ZFHX3: variants seen among roughly 807,000 people sequenced by gnomAD.
ZFHX3 encodes zinc finger homeobox protein 3.
A neutral mutation model predicts 279.1 loss-of-function variants in ZFHX3; 42 were observed. That is an observed-to-expected ratio of 0.15 (90% confidence interval 0.12 to 0.19). The LOEUF is 0.19. ZFHX3 is among the 10% of genes least tolerant of loss of function. The pLI is 1.00. For synonymous variants in ZFHX3, 2,293 were observed against 1,957.8 expected, an observed-to-expected ratio of 1.17 and a Z score of -4.52; for missense variants, 4,981 against 4,754.0, an observed-to-expected ratio of 1.05 and a Z score of -1.40.
chr16:73,780,111 A>ATTTTTTTTTTTTT lies in ZFHX3; in HGVS notation c.-1607-99884_-1607-99872dup, dbSNP rs762134796. Among the ~76,000 whole-genome samples the ATTTTTTTTTTTTT allele has an allele frequency of 3.3e-4, 11 of 33,212 alleles. 4 individuals carry two copies. Among genetic ancestry groups the ATTTTTTTTTTTTT allele is most frequent in the Non-Finnish European group, 4.4e-4 (6 of 13,572 alleles). The allele number at this position is 33,212 out of a possible 152,430, so 21.8% of individuals were successfully genotyped here. A position where few individuals can be genotyped will look rare whatever the true frequency, so the allele number is the denominator to read the frequency against. On this transcript the variant is annotated intron_variant, in intron 1 of 17. Transcript: ENST00000641206. Reference sequence around the variant, plus strand: ...AACCAGCAAAACTCACTGCATTTGAATTTTTTTTTTTTTTTTTTTTTTTTT... The same window carrying ATTTTTTTTTTTTT: ...AACCAGCAAAACTCACTGCATTTGAATTTTTTTTTTTTTTTTTTTTTTTTTTTTTTTTTTTTTT...
chr16:73,008,267 T>C (rs530784083), intron 1 of ZFHX3, among the ~76,000 whole-genome samples: 3 of 152,010 alleles, frequency 2.0e-5, no homozygotes, highest in Non-Finnish European at 4.4e-5. Flanking sequence ...ATATACAGAG[T>C]TCTCAATATT....
At chr16:73,480,487 G>A (rs947733012) in intron 2 of ZFHX3, among the ~76,000 whole-genome samples, 6 of 152,138 alleles carry the variant, frequency 3.9e-5, no homozygotes, top group Admixed American at 1.3e-4. Flanking sequence ...GGCAAAGGAC[G>A]AAAAGTTCCT....
intron 1 of ZFHX3, among the ~76,000 whole-genome samples, chr16:72,991,236 C>T (rs1963078612): frequency 6.6e-6 from 1 of 152,196 alleles, no homozygotes; most frequent in Non-Finnish European, 1.5e-5. Context: ...TTAGTTATCA[C>T]TGTTAATCTC....
chr16:73,085,488 C>T (rs1370589787), intron 8 of ZFHX3, among the ~76,000 whole-genome samples: 3 of 152,048 alleles, frequency 2.0e-5, no homozygotes, highest in Admixed American at 6.6e-5. Flanking sequence ...TCTAGTGATC[C>T]GCCTGCCTCG....
intron 3 of ZFHX3, among the ~76,000 whole-genome samples, chr16:73,453,271 G>C (rs1415132843): frequency 6.6e-6 from 1 of 152,212 alleles, no homozygotes; most frequent in African/African-American, 2.4e-5. Context: ...CCCATTGAGA[G>C]GTAGAGTCTA....
chr16:73,654,841 A>G (rs2052707009), intron 2 of ZFHX3, among the ~76,000 whole-genome samples: 1 of 148,378 alleles, frequency 6.7e-6, no homozygotes, highest in Non-Finnish European at 1.5e-5. Context: ...TCTCTTCTAA[A>G]CGATAGTAAT....
chr16:73,555,898 G>A (rs112984342), intron 2 of ZFHX3, among the ~76,000 whole-genome samples: 3,829 of 152,198 alleles, frequency 0.025, 172 homozygotes, highest in African/African-American at 0.088. Flanking sequence ...TCATATGGGA[G>A]GGGGCCCAAA....
intron 1 of ZFHX3, among the ~76,000 whole-genome samples, chr16:73,005,004 A>G (rs1368053954): frequency 6.6e-6 from 1 of 152,226 alleles, no homozygotes; most frequent in African/African-American, 2.4e-5. Flanking sequence ...GCATAATTTT[A>G]TAATACGAGA....
chr16:73,735,901 T>G (rs118157178), intron 1 of ZFHX3, among the ~76,000 whole-genome samples: 1 of 145,952 alleles, frequency 6.9e-6, no homozygotes. Context: ...GTTTTTTTTT[T>G]TTTTTTTTTT....
intron 3 of ZFHX3, among the ~76,000 whole-genome samples, chr16:72,907,545 T>TTTTGTGTGTGTGTGTGTG (rs1394689944): frequency 8.3e-6 from 1 of 120,404 alleles, no homozygotes; most frequent in African/African-American, 3.2e-5. Context: ...TTTCCTCTAT[T>TTTTGTGTGTGTGTGTGTG]TGTGTGTGTG....
At position 73,019,373 on chromosome 16, in the gene ZFHX3, TGC is replaced by T. The variant is rs1198731218; in HGVS notation, c.-50+28377_-50+28378del. Among the ~76,000 whole-genome samples, 13 of 151,832 alleles carry T rather than the reference TGC, an allele frequency of 8.6e-5. No homozygotes were observed. In the East Asian group the frequency reaches 9.7e-4, roughly 11 times the overall value. On this transcript the variant is annotated intron_variant, in intron 1 of 9. Coordinates refer to ENST00000268489, the MANE Select transcript of ZFHX3 (RefSeq NM_006885.4). ...GTGTGTGTGTGTGTGTGTGTGCGTG[TGC>T]GTGTGCGTGTCTGCACGCGCACCTG...
intron 1 of ZFHX3, among the ~76,000 whole-genome samples, chr16:72,986,620 G>C (rs960418283): frequency 6.6e-6 from 1 of 152,148 alleles, no homozygotes; most frequent in Non-Finnish European, 1.5e-5. Flanking sequence ...TCCTCGAGAC[G>C]CAAGTTATTG....
At chr16:72,858,447 C>A (rs548881515) in intron 4 of ZFHX3, among the ~76,000 whole-genome samples, 1 of 152,194 alleles carries the variant, frequency 6.6e-6, no homozygotes, top group Admixed American at 6.5e-5. Flanking sequence ...GTCCTTCAAA[C>A]AAAAGGATGA....
chr16:72,826,764 T>C (rs1299321552), intron 5 of ZFHX3, among the ~76,000 whole-genome samples: 1 of 152,214 alleles, frequency 6.6e-6, no homozygotes, highest in Non-Finnish European at 1.5e-5. Context: ...ATTCATTCAT[T>C]TTCTCTCTGT....
chr16:72,794,312 T>G lies in ZFHX3; in HGVS notation c.8370A>C (p.Lys2790Asn). 1 of 1,609,366 alleles carries G rather than the reference T, an allele frequency of 6.2e-7. No homozygotes were observed. Among genetic ancestry groups the G allele is most frequent in the Non-Finnish European group, 8.5e-7 (1 of 1,177,254 alleles). The change falls in exon 9 of 10, where the codon AAA becomes AAC. Residue 2790 changes from lysine to asparagine, a missense_variant. By Grantham distance (94) the Lys-to-Asn change is moderately conservative. Transcript: ENST00000268489. The surrounding 1 kb of genome is among the most constrained non-coding windows in gnomAD (Gnocchi z 4.2). ...GAGTTCTGGGTGACAATTCCATGGT[T>G]TTACTCACAGGTGAGAGGGGGACAC... ...GQGVPLSPVS[K>N]TMELSPRTLL...
rs565043238 is a variant in ZFHX3, at chr16:72,896,760, A to T, written c.3217-6798T>A. On this transcript the variant is annotated intron_variant, in intron 3 of 9. Transcript: ENST00000268489. Reference sequence around the variant, plus strand: ...CCCAGCTCCCTCCTCCTCCCCAACGATAGGAAACTTCTAACATCTGGTTCC... The same window carrying T: ...CCCAGCTCCCTCCTCCTCCCCAACGTTAGGAAACTTCTAACATCTGGTTCC... Among the ~76,000 whole-genome samples, 14 of 152,338 alleles carry T rather than the reference A, an allele frequency of 9.2e-5. 1 individual carries two copies. In the South Asian group the frequency reaches 2.9e-3, roughly 32 times the overall value.
intron 3 of ZFHX3, among the ~76,000 whole-genome samples, chr16:73,368,524 T>C (rs2016569756): frequency 6.6e-6 from 1 of 152,202 alleles, no homozygotes; most frequent in Non-Finnish European, 1.5e-5. Flanking sequence ...TCAACAGCAT[T>C]CAGTAGTTAT....
intron 1 of ZFHX3, among the ~76,000 whole-genome samples, chr16:73,039,937 A>C (rs943905231): frequency 1.3e-5 from 2 of 152,182 alleles, no homozygotes; most frequent in African/African-American, 2.4e-5. Context: ...GAGCGGTATA[A>C]GCAATGTGAG....
intron 1 of ZFHX3, among the ~76,000 whole-genome samples, chr16:73,699,390 T>A (rs2053226921): frequency 6.6e-6 from 1 of 152,120 alleles, no homozygotes; most frequent in Non-Finnish European, 1.5e-5. Flanking sequence ...AAAAGACCAG[T>A]GTTTTGTGGA....
Sources: gnomAD v4.1 joint callset for allele counts (sites outside exome capture counted in the v4.1 genomes callset) on GRCh38, gnomAD v4.1.1 for gene constraint, Gnocchi (gnomAD v3.1) non-coding constraint, MANE v1.5 for transcripts, NCBI Gene and HGNC (gene_info 2026-07-23, HGNC 2026-07-21) for gene names.